Variants in TMPRSS4 observed in about 807,000 individuals in gnomAD.
The protein encoded by TMPRSS4 is transmembrane protease serine 4.
TMPRSS4 carries 45 observed loss-of-function variants against 56.4 expected under a neutral mutation model. The observed-to-expected ratio is 0.80, with a 90% CI of 0.63 to 1.02. The LOEUF (loss-of-function observed/expected upper bound fraction) is 1.02, where lower values mean the gene tolerates loss of function less well. TMPRSS4 is among the 50% of genes least tolerant of loss of function. The pLI, the probability that TMPRSS4 is intolerant of heterozygous loss-of-function variation, is 0.00. For missense variants in TMPRSS4, 546 were observed against 556.7 expected, an observed-to-expected ratio of 0.98 and a Z score of 0.19; for synonymous variants, 205 against 211.0, an observed-to-expected ratio of 0.97 and a Z score of 0.25.
chr11:118,104,763 T>G lies in TMPRSS4; in HGVS notation c.383T>G (p.Phe128Cys). The G allele has an allele frequency of 6.2e-7, 1 of 1,614,116 alleles. No individual in the cohort carries two copies. Among genetic ancestry groups the G allele is most frequent in the Non-Finnish European group, 8.5e-7 (1 of 1,179,970 alleles). ...ACAGGGAACTGGTTCTCTGCCTGTTTCGACAACTTCACAGAAGCTCTCGCT... is the reference window on the plus strand; with the variant it reads ...ACAGGGAACTGGTTCTCTGCCTGTTGCGACAACTTCACAGAAGCTCTCGCT... ...SATGNWFSACFDNFTEALAET... is the reference protein window; with the variant it reads ...SATGNWFSACCDNFTEALAET... The change falls in exon 5 of 13, where the codon TTC becomes TGC. Residue 128 changes from phenylalanine (F) to cysteine (C), a missense_variant. Physicochemically the swap from Phe to Cys is radical, Grantham distance 205 (BLOSUM62 -2). Coordinates refer to ENST00000437212, the MANE Select transcript of TMPRSS4 (RefSeq NM_019894.4).
intron 7 of TMPRSS4, among the ~76,000 whole-genome samples, chr11:118,109,501 C>T (rs1393601079): frequency 6.6e-6 from 1 of 152,176 alleles, no homozygotes; most frequent in African/African-American, 2.4e-5. Flanking sequence ...GGTCAGAAGA[C>T]CTGGGCACCA....
intron 9 of TMPRSS4, 142 bp downstream of exon 9, chr11:118,113,577 T>G: frequency 1.1e-6 from 1 of 897,390 alleles, no homozygotes; most frequent in Non-Finnish European, 1.7e-6. Flanking sequence ...TACGTCAGCC[T>G]AACATCACTG....
chr11:118,119,086 G>C lies in TMPRSS4; in HGVS notation c.*1173G>C. The stretch of plus-strand genomic sequence containing the variant: ...AAATATACTTGTTCATACTGTACTA[G>C]GTTCTTAGGAAACAACAGAATTCCT... On this transcript the variant is annotated 3_prime_UTR_variant, in exon 13 of 13. Transcript: ENST00000437212. The C allele has an allele frequency of 3.0e-6, 3 of 985,330 alleles. No individual in the cohort carries two copies. Among genetic ancestry groups the C allele is most frequent in the Non-Finnish European group, 3.6e-6 (3 of 829,934 alleles). The allele number at this position is 985,330 out of a possible 1,614,324, so 61.0% of individuals were successfully genotyped here.
chr11:118,092,211 C>T (rs560770049), intron 1 of TMPRSS4, among the ~76,000 whole-genome samples: 11 of 152,250 alleles, frequency 7.2e-5, no homozygotes, highest in African/African-American at 7.2e-5. Context: ...TCACCTTGCC[C>T]GCTGCCTAGA....
At chr11:118,103,769 C>T (rs2187009) in intron 4 of TMPRSS4, among the ~76,000 whole-genome samples, 14,892 of 152,198 alleles carry the variant, frequency 0.098, 1,193 homozygotes, top group East Asian at 0.35. Flanking sequence ...ATTTGATGAC[C>T]AAATGTGAGC....
rs1435275256 is a variant in TMPRSS4 at position 118,121,474 on chromosome 11, T to G, written c.*3561T>G. The G allele has an allele frequency of 6.6e-6, 1 of 152,184 alleles. No individual in the cohort carries two copies. Among genetic ancestry groups the G allele is most frequent in the Non-Finnish European group, 1.5e-5 (1 of 68,080 alleles). 9.4% of individuals were successfully genotyped at this position (152,184 alleles called of 1,614,324 possible). A position where few individuals can be genotyped will look rare whatever the true frequency, so the allele number is the denominator to read the frequency against. The stretch of plus-strand genomic sequence containing the variant: ...CCCAGGTTCAAGTGATTCTTCTGCC[T>G]CAGCCTCCCGAGTAGCTGGGATTAC... On this transcript the variant is annotated 3_prime_UTR_variant, in exon 13 of 13. Transcript: ENST00000437212.
chr11:118,101,455 A>T (rs1349541539), intron 3 of TMPRSS4, among the ~76,000 whole-genome samples: 1 of 152,018 alleles, frequency 6.6e-6, no homozygotes, highest in Non-Finnish European at 1.5e-5. Context: ...GTCTTCACTA[A>T]GGAAAAGTTT....
At chr11:118,125,361 C>T (rs1373935583), downstream of TMPRSS4, 1 of 456,698 alleles carries the variant, frequency 2.2e-6, no homozygotes. Context: ...ACCAGCTGTA[C>T]CGCTGATGGA....
intron 1 of TMPRSS4, among the ~76,000 whole-genome samples, chr11:118,094,367 G>A (rs1080620): frequency 0.29 from 43,663 of 152,068 alleles, 6,792 homozygotes; most frequent in Middle Eastern, 0.36. Context: ...ATTGTGGTTT[G>A]AATTTGCATT....
chr11:118,082,147 C>T (rs1321002815), intron 1 of TMPRSS4, among the ~76,000 whole-genome samples: 1 of 152,218 alleles, frequency 6.6e-6, no homozygotes, highest in Non-Finnish European at 1.5e-5. Context: ...AGTATCACAT[C>T]TCTATCCAAA....
At chr11:118,124,105 G>A (rs1011644005), downstream of TMPRSS4, among the ~76,000 whole-genome samples, 16 of 152,048 alleles carry the variant, frequency 1.1e-4, no homozygotes, top group African/African-American at 3.6e-4. Context: ...CTTCAGGAGG[G>A]GCCAGGCATG....
intron 1 of TMPRSS4, among the ~76,000 whole-genome samples, chr11:118,081,063 G>T (rs1391416266): frequency 6.6e-6 from 1 of 152,368 alleles, no homozygotes; most frequent in Non-Finnish European, 1.5e-5. Flanking sequence ...CTAGCACAGG[G>T]CATGGCATCC....
chr11:118,120,336 T>G lies in TMPRSS4; in HGVS notation c.*2423T>G. 6.6e-6 allele frequency: 1 copy of G among 152,218 alleles called. No homozygotes were observed. Among genetic ancestry groups the G allele is most frequent in the Non-Finnish European group, 1.5e-5 (1 of 68,034 alleles). 9.4% of individuals were successfully genotyped at this position (152,218 alleles called of 1,614,324 possible). A position where few individuals can be genotyped will look rare whatever the true frequency, so the allele number is the denominator to read the frequency against. On this transcript the variant is annotated 3_prime_UTR_variant, in exon 13 of 13. Coordinates refer to ENST00000437212, the MANE Select transcript of TMPRSS4 (RefSeq NM_019894.4). ...ATTCTCTTGGGTATATTCCCAGAAG[T>G]GGAATTGCTGGATCATATGGTAATT...
chr11:118,107,564 A>G, intron 5 of TMPRSS4: 1 of 455,468 alleles, frequency 2.2e-6, no homozygotes, highest in South Asian at 4.6e-5. Flanking sequence ...CAATGCACTG[A>G]GGGTTGAGTC....
At chr11:118,100,211 C>CA (rs1946666676) in intron 3 of TMPRSS4, among the ~76,000 whole-genome samples, 1 of 152,206 alleles carries the variant, frequency 6.6e-6, no homozygotes, top group African/African-American at 2.4e-5. Context: ...TGAGATAACA[C>CA]ATGTAAAGGA....
At position 118,099,058 on chromosome 11, in the gene TMPRSS4, A is replaced by G; in HGVS notation, c.117A>G (p.Ala39=). The change falls in exon 3 of 13, where the codon GCA becomes GCG. Residue 39 remains alanine (A), a synonymous_variant. Transcript: ENST00000437212. ...FRKVGIPIII[A]LLSLASIIIV... ...AGGTGGGGATCCCCATCATCATAGC[A>G]CTACTGAGCCTGGCGAGTATCATCA... is the stretch of plus-strand genomic sequence containing the variant. The G allele has an allele frequency of 6.2e-7, 1 of 1,613,742 alleles. No homozygotes were observed. Among genetic ancestry groups the G allele is most frequent in the Non-Finnish European group, 8.5e-7 (1 of 1,179,906 alleles).
chr11:118,092,017 G>C (rs948468), intron 1 of TMPRSS4, among the ~76,000 whole-genome samples: 12,527 of 152,202 alleles, frequency 0.082, 599 homozygotes, highest in Middle Eastern at 0.13. Flanking sequence ...GTGCTAAACA[G>C]CAAGGGTACA....
At chr11:118,111,213 G>C (rs775025567) in intron 7 of TMPRSS4, among the ~76,000 whole-genome samples, 1 of 152,208 alleles carries the variant, frequency 6.6e-6, no homozygotes, top group Non-Finnish European at 1.5e-5. Context: ...GAGTTCCGGG[G>C]GTGGTGAGGG....
chr11:118,085,085 C>A (rs1164204553), intron 1 of TMPRSS4, among the ~76,000 whole-genome samples: 1 of 152,142 alleles, frequency 6.6e-6, no homozygotes, highest in Non-Finnish European at 1.5e-5. Flanking sequence ...AGGTGGCGCA[C>A]CTTACAGAAT....
Sources: gnomAD v4.1 joint callset for allele counts (sites outside exome capture counted in the v4.1 genomes callset) on GRCh38, gnomAD v4.1.1 for gene constraint, MANE v1.5 for transcripts, NCBI Gene and HGNC (gene_info 2026-07-23, HGNC 2026-07-21) for gene names.